EDIL3: variants seen among roughly 807,000 people sequenced by gnomAD.
EDIL3 encodes EGF-like repeat and discoidin I-like domain-containing protein 3.
EDIL3 carries 37 observed loss-of-function variants against 67.4 expected under a neutral mutation model. That is an observed-to-expected ratio of 0.55 (90% CI 0.42 to 0.72). EDIL3 has a LOEUF of 0.72. Ranked by LOEUF, EDIL3 falls within the 30% of genes least tolerant of loss-of-function variation. The pLI, the probability that EDIL3 is intolerant of heterozygous loss-of-function variation, is 0.00. For synonymous variants in EDIL3, 195 were observed against 196.3 expected, an observed-to-expected ratio of 0.99 and a Z score of 0.05; for missense variants, 527 against 586.3, an observed-to-expected ratio of 0.90 and a Z score of 1.04.
chr5:84,099,489 A>T (rs1747322534), intron 6 of EDIL3, among the ~76,000 whole-genome samples: 1 of 152,340 alleles, frequency 6.6e-6, no homozygotes, highest in South Asian at 2.1e-4. Context: ...AGGATTCCCT[A>T]TTTAATAAAT....
At chr5:84,015,689 C>T (rs906004128) in intron 9 of EDIL3, among the ~76,000 whole-genome samples, 1 of 151,934 alleles carries the variant, frequency 6.6e-6, no homozygotes, top group African/African-American at 2.4e-5. Context: ...TTAAATAACT[C>T]TGTCCGTTAT....
chr5:84,381,926 G>A (rs975906095), intron 1 of EDIL3, among the ~76,000 whole-genome samples: 3 of 152,184 alleles, frequency 2.0e-5, no homozygotes, highest in Non-Finnish European at 4.4e-5. Context: ...CAACCCATAC[G>A]TAGGGAAAAC....
chr5:84,382,991 A>G (rs1399563487), intron 1 of EDIL3, among the ~76,000 whole-genome samples: 1 of 152,220 alleles, frequency 6.6e-6, no homozygotes, highest in African/African-American at 2.4e-5. Context: ...CCAAGAGTCC[A>G]CAATTTTCTT....
chr5:84,205,655 C>T (rs989629536), intron 3 of EDIL3, among the ~76,000 whole-genome samples: 1 of 151,910 alleles, frequency 6.6e-6, no homozygotes, highest in African/African-American at 2.4e-5. Context: ...GTGTATGTGT[C>T]AAGGAATTTA....
At chr5:84,264,855 C>A (rs966348832) in intron 1 of EDIL3, among the ~76,000 whole-genome samples, 4 of 152,124 alleles carry the variant, frequency 2.6e-5, no homozygotes, top group African/African-American at 9.7e-5. Context: ...CAATCAAGTG[C>A]TACAAAAAAG....
intron 1 of EDIL3, among the ~76,000 whole-genome samples, chr5:84,326,836 A>G (rs1035798274): frequency 1.3e-5 from 2 of 151,896 alleles, no homozygotes; most frequent in African/African-American, 4.8e-5. Flanking sequence ...GAGAAAATAC[A>G]ATTAGATATA....
chr5:84,013,566 A>C (rs1371180466), intron 9 of EDIL3, among the ~76,000 whole-genome samples: 1 of 152,146 alleles, frequency 6.6e-6, no homozygotes, highest in Admixed American at 6.5e-5. Flanking sequence ...TGAGATATGC[A>C]CATCATTCAT....
At chr5:84,340,695 C>T (rs1263965249) in intron 1 of EDIL3, among the ~76,000 whole-genome samples, 2 of 151,472 alleles carry the variant, frequency 1.3e-5, no homozygotes, top group African/African-American at 4.9e-5. Flanking sequence ...TTCCCTCACA[C>T]CTGCACATAC....
At chr5:84,339,418 C>T (rs1440066714) in intron 1 of EDIL3, among the ~76,000 whole-genome samples, 1 of 152,062 alleles carries the variant, frequency 6.6e-6, no homozygotes, top group African/African-American at 2.4e-5. Flanking sequence ...CTCCTTTAAC[C>T]TCCTCTCAGG....
At chr5:84,346,133 T>TC (rs1287162090) in intron 1 of EDIL3, among the ~76,000 whole-genome samples, 8 of 133,164 alleles carry the variant, frequency 6.0e-5, no homozygotes, top group African/African-American at 1.9e-4. Flanking sequence ...AACTTTTTTT[T>TC]TCTTTTTTTT....
At chr5:84,312,760 T>C (rs1746434222) in intron 1 of EDIL3, among the ~76,000 whole-genome samples, 1 of 152,222 alleles carries the variant, frequency 6.6e-6, no homozygotes, top group African/African-American at 2.4e-5. Flanking sequence ...TGGATCCTTT[T>C]TGTAATTAAA....
intron 1 of EDIL3, among the ~76,000 whole-genome samples, chr5:84,351,462 C>A (rs1747360684): frequency 6.6e-6 from 1 of 152,114 alleles, no homozygotes; most frequent in South Asian, 2.1e-4. Context: ...GTGAATTGGG[C>A]TTTAGTTCCT....
chr5:84,253,359 A>G (rs189650124), intron 2 of EDIL3, among the ~76,000 whole-genome samples: 3 of 152,260 alleles, frequency 2.0e-5, no homozygotes, highest in Admixed American at 2.0e-4. Context: ...CTGTGCTATT[A>G]ACTTTGAAAA....
chr5:84,317,746 C>A (rs1162511911), intron 1 of EDIL3, among the ~76,000 whole-genome samples: 2 of 152,152 alleles, frequency 1.3e-5, no homozygotes, highest in African/African-American at 2.4e-5. Context: ...CCTTCGAAAA[C>A]TGGCACAAGA....
intron 3 of EDIL3, among the ~76,000 whole-genome samples, chr5:84,211,782 A>T (rs1744124297): frequency 6.6e-6 from 1 of 152,196 alleles, no homozygotes; most frequent in Non-Finnish European, 1.5e-5. Context: ...GAACTGTGAG[A>T]ATTAAAAGAG....
intron 1 of EDIL3, among the ~76,000 whole-genome samples, chr5:84,371,357 A>ATG (rs1747846643): frequency 7.1e-6 from 1 of 140,698 alleles, no homozygotes; most frequent in Admixed American, 7.2e-5. Context: ...GTGTGTATAT[A>ATG]TATGTGTGTA....
At chr5:84,302,969 CA>C (rs1561250814) in intron 1 of EDIL3, among the ~76,000 whole-genome samples, 197 of 151,968 alleles carry the variant, frequency 1.3e-3, no homozygotes, top group African/African-American at 4.7e-3. Flanking sequence ...GAATCAAAAT[CA>C]GAGAGAGATA....
At chr5:84,278,734 C>A (rs149146362) in intron 1 of EDIL3, among the ~76,000 whole-genome samples, 1 of 152,252 alleles carries the variant, frequency 6.6e-6, no homozygotes, top group Non-Finnish European at 1.5e-5. Context: ...ATTTACCCTG[C>A]TGAATTGCCC....
intron 5 of EDIL3, among the ~76,000 whole-genome samples, chr5:84,113,190 T>C (rs1055853662): frequency 5.3e-5 from 8 of 152,178 alleles, no homozygotes; most frequent in Non-Finnish European, 8.8e-5. Flanking sequence ...AAAAATAGAA[T>C]ACGGTAGTAG....
Sources: allele counts gnomAD v4.1 joint callset (sites outside exome capture counted in the v4.1 genomes callset), GRCh38; gene constraint gnomAD v4.1.1; transcripts MANE v1.5; gene names NCBI Gene and HGNC (gene_info 2026-07-23, HGNC 2026-07-21).